PTPRD: variants seen among roughly 807,000 people sequenced by gnomAD.
PTPRD encodes protein tyrosine phosphatase receptor type D, also known as receptor-type tyrosine-protein phosphatase delta.
Under a neutral mutation model 214.5 loss-of-function variants are expected in PTPRD, and 34 were observed. The ratio of observed to expected loss-of-function variants is 0.16; its 90% CI spans 0.12 to 0.21. The LOEUF is 0.21. Among genes scored for constraint, PTPRD ranks in the 10% least tolerant of loss-of-function variants. The pLI, the probability that PTPRD is intolerant of heterozygous loss-of-function variation, is 1.00. For synonymous variants in PTPRD, 1,128 were observed against 845.7 expected, an observed-to-expected ratio of 1.33 and a Z score of -5.79; for missense variants, 2,545 against 2,398.7, an observed-to-expected ratio of 1.06 and a Z score of -1.27.
chr9:9,431,716 A>G (rs1353775114), intron 8 of PTPRD, among the ~76,000 whole-genome samples: 1 of 151,972 alleles, frequency 6.6e-6, no homozygotes, highest in African/African-American at 2.4e-5. Context: ...ATGGAATACT[A>G]TGCAGCCGTA....
chr9:9,676,347 A>G (rs1012246315), intron 7 of PTPRD, among the ~76,000 whole-genome samples: 6 of 140,408 alleles, frequency 4.3e-5, no homozygotes, highest in Non-Finnish European at 3.0e-5. Flanking sequence ...TCATTGTTCA[A>G]TTCCCACCTA....
chr9:8,672,634 T>C (rs1480925542), intron 12 of PTPRD, among the ~76,000 whole-genome samples: 2 of 151,998 alleles, frequency 1.3e-5, no homozygotes, highest in East Asian at 3.9e-4. Flanking sequence ...AATGAACAAA[T>C]CTCCAGTTAT....
intron 30 of PTPRD, among the ~76,000 whole-genome samples, chr9:8,483,461 G>T (rs921752309): frequency 7.9e-5 from 12 of 152,004 alleles, no homozygotes; most frequent in Non-Finnish European, 1.6e-4. Context: ...GACATAAAAT[G>T]CTTTGTAGTA....
intron 35 of PTPRD, among the ~76,000 whole-genome samples, chr9:8,410,725 G>C (rs372338196): frequency 6.6e-6 from 1 of 152,122 alleles, no homozygotes; most frequent in Non-Finnish European, 1.5e-5. Context: ...TCTGGCTTCA[G>C]ATAAGTGATA....
intron 40 of PTPRD, 99 bp from the exon 41 acceptor site, chr9:8,341,367 A>G: frequency 6.2e-6 from 8 of 1,299,174 alleles, no homozygotes; most frequent in Non-Finnish European, 8.4e-6. Context: ...TTAGATATAA[A>G]TCTTTTGTTT....
Position 8,690,558 on chromosome 9 carries a change from T to A in PTPRD, c.64+43222A>T, listed in dbSNP as rs1226488297. ...AAAAAAAAAAAATTAGATTTAATCA[T>A]ATGGTCAGTAATTTATCCATAGGGG... On this transcript the variant is annotated intron_variant, in intron 12 of 45. Coordinates refer to ENST00000381196, the MANE Select transcript of PTPRD (RefSeq NM_002839.4). Among the ~76,000 whole-genome samples the A allele has an allele frequency of 2.6e-5, 4 of 151,538 alleles. No individual in the cohort carries two copies. The South Asian group carries it at 6.2e-4, about 24-fold the overall frequency.
In PTPRD at chr9:9,940,739, G is replaced by A. The variant is rs182656604; in HGVS notation, c.-471-2129C>T. On this transcript the variant is annotated intron_variant, in intron 4 of 45. Transcript: ENST00000381196. ...GAGCTCTTCACCACTTGTTCTAATTGATCATGTATTTTCAAACTTCTGCAC... is the reference window on the plus strand; with the variant it reads ...GAGCTCTTCACCACTTGTTCTAATTAATCATGTATTTTCAAACTTCTGCAC... Among the ~76,000 whole-genome samples the A allele has an allele frequency of 2.1e-4, 32 of 152,192 alleles. 1 individual carries two copies. The highest frequency in any genetic ancestry group is 4.3e-4 in the Non-Finnish European group (29 of 68,000).
chr9:9,819,178 TC>T (rs753234074), intron 5 of PTPRD, among the ~76,000 whole-genome samples: 1 of 152,142 alleles, frequency 6.6e-6, no homozygotes, highest in Non-Finnish European at 1.5e-5. Context: ...CTTCAGCCTC[TC>T]CCTGCCCCTC....
intron 10 of PTPRD, among the ~76,000 whole-genome samples, chr9:9,019,348 G>GAAAGAAAGAA (rs1554629844): frequency 5.7e-5 from 6 of 105,568 alleles, no homozygotes; most frequent in South Asian, 3.3e-4. Context: ...ACGAAAGAAA[G>GAAAGAAAGAA]AAAGAAAGAA....
At chr9:10,009,048 G>A (rs954181474) in intron 4 of PTPRD, among the ~76,000 whole-genome samples, 20 of 151,780 alleles carry the variant, frequency 1.3e-4, no homozygotes, top group Admixed American at 3.3e-4. Context: ...ATGGAAACAG[G>A]TTTTAAAGTT....
chr9:9,370,479 T>G lies in PTPRD; in HGVS notation c.-203+26970A>C, dbSNP rs1404235762. On this transcript the variant is annotated intron_variant, in intron 9 of 45. Transcript: ENST00000381196. The stretch of plus-strand genomic sequence containing the variant: ...TTGATTTTGTATGCTGAGACTTTGC[T>G]GAAGTTGCTTATCTGCTTAAGGAGA... 6.6e-5 allele frequency among the ~76,000 whole-genome samples: 10 copies of G among 151,360 alleles called. 1 individual carries two copies. Among genetic ancestry groups the G allele is most frequent in the Admixed American group, 6.6e-4 (10 of 15,174 alleles).
chr9:9,537,856 T>C (rs1465520503), intron 8 of PTPRD, among the ~76,000 whole-genome samples: 1 of 151,986 alleles, frequency 6.6e-6, no homozygotes, highest in African/African-American at 2.4e-5. Flanking sequence ...GCCAAATTCA[T>C]TTACATTTTA....
In PTPRD at chr9:8,552,367, C is replaced by A. The variant is rs567952804; in HGVS notation, c.353-23588G>T. Among the ~76,000 whole-genome samples, 11 of 152,254 alleles carry A rather than the reference C, an allele frequency of 7.2e-5. No individual in the cohort carries two copies. In the East Asian group the frequency reaches 9.7e-4, roughly 13 times the overall value. Reference sequence around the variant, plus strand: ...TTCTTGCTGTGTCAGAACGGACCAGCGTGAGAGAGTTTTTGACAGAGTATG... The same window carrying A: ...TTCTTGCTGTGTCAGAACGGACCAGAGTGAGAGAGTTTTTGACAGAGTATG... On this transcript the variant is annotated intron_variant, in intron 14 of 45. Coordinates refer to ENST00000381196, the MANE Select transcript of PTPRD (RefSeq NM_002839.4).
At chr9:8,319,756 A>T (rs1210870528) in intron 45 of PTPRD, 75 bp downstream of exon 45, 2 of 1,555,336 alleles carry the variant, frequency 1.3e-6, no homozygotes, top group Non-Finnish European at 1.8e-6. Flanking sequence ...GTGTTGAGAG[A>T]GTATGGAGTC....
chr9:8,634,585 T>A (rs74502721), intron 13 of PTPRD, among the ~76,000 whole-genome samples: 12,963 of 152,134 alleles, frequency 0.085, 675 homozygotes, highest in East Asian at 0.17. Flanking sequence ...CATTTCTCAA[T>A]GCACTACAGT....
At chr9:9,589,526 C>T (rs2092485851) in intron 7 of PTPRD, among the ~76,000 whole-genome samples, 1 of 151,902 alleles carries the variant, frequency 6.6e-6, no homozygotes. Flanking sequence ...GGAAGTTAAT[C>T]AGCAATCTAT....
rs139837831 is a variant in PTPRD at position 9,087,430 on chromosome 9, G to A, written c.-142-68695C>T. ...AATGAGAAAAACTGTGAGAAGGTCC[G>A]GAAGGCAGCCACTGTACTCCTGCAT... On this transcript the variant is annotated intron_variant, in intron 10 of 45. Transcript: ENST00000381196. Among the ~76,000 whole-genome samples, 112 of 152,178 alleles carry A rather than the reference G, an allele frequency of 7.4e-4. 1 individual carries two copies. The East Asian group carries it at 0.016, about 21-fold the overall frequency.
chr9:8,889,362 T>C (rs544818877), intron 11 of PTPRD, among the ~76,000 whole-genome samples: 4 of 152,284 alleles, frequency 2.6e-5, no homozygotes, highest in South Asian at 2.1e-4. Context: ...TCCTGGCACA[T>C]AGTAGGCAAT....
At chr9:9,408,270 T>C (rs2074233604) in intron 8 of PTPRD, among the ~76,000 whole-genome samples, 1 of 151,842 alleles carries the variant, frequency 6.6e-6, no homozygotes, top group Non-Finnish European at 1.5e-5. Flanking sequence ...AACTTTTGAA[T>C]CAGCTGGAAA....
Sources: allele counts gnomAD v4.1 joint callset (sites outside exome capture counted in the v4.1 genomes callset), GRCh38; gene constraint gnomAD v4.1.1; transcripts MANE v1.5; gene names NCBI Gene and HGNC (gene_info 2026-07-23, HGNC 2026-07-21).